The following ATP13A5 variants were observed in gnomAD, a reference collection of about 807,000 sequenced individuals.
ATP13A5 encodes probable cation-transporting ATPase 13A5.
Under a neutral mutation model 150.2 loss-of-function variants are expected in ATP13A5, and 149 were observed. The ratio of observed to expected loss-of-function variants is 0.99; its 90% CI spans 0.87 to 1.14. The LOEUF (loss-of-function observed/expected upper bound fraction) is 1.14. Among genes scored for constraint, ATP13A5 ranks in the 50% most tolerant of loss-of-function variants. ATP13A5 has a pLI of 0.00. For missense variants in ATP13A5, 1,383 were observed against 1,449.3 expected, an observed-to-expected ratio of 0.95 and a Z score of 0.74; for synonymous variants, 497 against 522.2, an observed-to-expected ratio of 0.95 and a Z score of 0.66.
At chr3:193,347,153 G>T (rs1198325536) in intron 7 of ATP13A5, among the ~76,000 whole-genome samples, 3 of 152,114 alleles carry the variant, frequency 2.0e-5, no homozygotes, top group Admixed American at 2.0e-4. Flanking sequence ...TTTAAAACCT[G>T]CAAGGCATCA....
In ATP13A5 at chr3:193,289,944, C is replaced by G. The variant is rs182661663; in HGVS notation, c.2964G>C (p.Gln988His). The change falls in exon 26 of 30, where the codon CAG becomes CAC. Residue 988 changes from glutamine (Q) to histidine (H), a missense_variant. Gln to His is a conservative substitution (Grantham distance 24). Coordinates refer to ENST00000342358, the MANE Select transcript of ATP13A5 (RefSeq NM_198505.4). ...FLNSCFSCIV[Q>H]ISAFLYVKQQ... ...GCTTCACATAGAGAAATGCACTGAT[C>G]TGCACAATGCAGGAGAAACAGGAAT... 129 of 1,612,778 alleles carry G rather than the reference C, an allele frequency of 8.0e-5. 1 individual carries two copies. In the African/African-American group the frequency reaches 1.4e-3, roughly 17 times the overall value.
At chr3:193,359,872 T>C (rs1560149575) in intron 5 of ATP13A5, among the ~76,000 whole-genome samples, 1 of 152,026 alleles carries the variant, frequency 6.6e-6, no homozygotes, top group Non-Finnish European at 1.5e-5. Context: ...CCATTTCTGC[T>C]GCCAGGAAGT....
Position 193,345,092 on chromosome 3 carries a change from A to G in ATP13A5, c.742-17T>C. 6.2e-7 allele frequency: 1 copy of G among 1,604,670 alleles called. No individual in the cohort carries two copies. Among genetic ancestry groups the G allele is most frequent in the Non-Finnish European group, 8.5e-7 (1 of 1,171,624 alleles). Reference sequence around the variant, plus strand: ...AACTGATTGCTACCAAGTAAAAGTTAACATTTAAACATTAGATAGTTCATG... The same window carrying G: ...AACTGATTGCTACCAAGTAAAAGTTGACATTTAAACATTAGATAGTTCATG... On this transcript the variant is annotated splice_polypyrimidine_tract_variant and intron_variant, in intron 7 of 29. Transcript: ENST00000342358.
At chr3:193,353,987 TTAAAA>T in intron 6 of ATP13A5, 135 bp downstream of exon 6, 1 of 625,290 alleles carries the variant, frequency 1.6e-6, no homozygotes, top group Non-Finnish European at 2.6e-6. Context: ...AAACCTGAGT[TTAAAA>T]TAAGCAGTAA....
At chr3:193,337,110 G>T (rs1484880573) in intron 9 of ATP13A5, among the ~76,000 whole-genome samples, 58 of 151,866 alleles carry the variant, frequency 3.8e-4, no homozygotes, top group African/African-American at 1.3e-3. Flanking sequence ...TAAATTTGTT[G>T]GCGTTCTTTG....
intron 18 of ATP13A5, 143 bp from the exon 19 acceptor site, chr3:193,314,336 A>G (rs1718966668): frequency 2.4e-6 from 2 of 850,456 alleles, no homozygotes; most frequent in Non-Finnish European, 3.6e-6. Context: ...TCTCTGCTGT[A>G]GACTGCCCCT....
intron 17 of ATP13A5, among the ~76,000 whole-genome samples, chr3:193,315,484 A>G (rs1719014415): frequency 6.6e-6 from 1 of 152,188 alleles, no homozygotes; most frequent in Admixed American, 6.5e-5. Flanking sequence ...GGCATTCTGC[A>G]TACATACAAG....
At chr3:193,335,157 G>C (rs1447576739) in intron 9 of ATP13A5, 58 bp from the exon 10 acceptor site, 2 of 1,517,974 alleles carry the variant, frequency 1.3e-6, no homozygotes, top group Non-Finnish European at 1.8e-6. Flanking sequence ...GTCAGAACTG[G>C]TGCATGCCAG....
At chr3:193,334,017 A>G (rs1711749444) in intron 10 of ATP13A5, 110 bp from the exon 11 acceptor site, 4 of 951,294 alleles carry the variant, frequency 4.2e-6, no homozygotes, top group South Asian at 1.9e-5. Flanking sequence ...CTAACCTTCT[A>G]CCTAATCATT....
chr3:193,377,138 A>G (rs1713672993), intron 1 of ATP13A5, among the ~76,000 whole-genome samples: 1 of 152,258 alleles, frequency 6.6e-6, no homozygotes, highest in East Asian at 1.9e-4. Context: ...GCAACTAGTT[A>G]GAGAAGAATA....
At chr3:193,376,741 C>T (rs1009239939) in intron 1 of ATP13A5, among the ~76,000 whole-genome samples, 13 of 152,248 alleles carry the variant, frequency 8.5e-5, no homozygotes, top group East Asian at 3.9e-4. Context: ...GTTCCCCATC[C>T]GGCTTCCTTC....
chr3:193,305,693 C>T, intron 22 of ATP13A5, 25 bp from the exon 23 acceptor site: 1 of 1,603,932 alleles, frequency 6.2e-7, no homozygotes, highest in Non-Finnish European at 8.5e-7. Context: ...CCATGTCTCA[C>T]CCATGACTTT....
chr3:193,284,916 T>G lies in ATP13A5; in HGVS notation c.3224A>C (p.Asn1075Thr). The G allele has an allele frequency of 6.2e-7, 1 of 1,610,004 alleles. No homozygotes were observed. The highest frequency in any genetic ancestry group is 8.5e-7 in the Non-Finnish European group (1 of 1,177,600). ...AAAATTAAACTTTATATACTTACAG[T>G]TTGTATAGATGGGTTTTCGAAATGG... The part of the protein sequence containing the change: ...GKPFRKPIYT[N>T]YIFSFLLLAA... Residue 1075 changes from asparagine to threonine, a missense_variant and splice_region_variant, in exon 27 of 30, where the codon AAC becomes ACC. Transcript: ENST00000342358.
In ATP13A5 at chr3:193,331,231, G is replaced by A. The variant is rs759568865; in HGVS notation, c.1353C>T (p.Thr451=). 2.5e-6 allele frequency: 4 copies of A among 1,614,034 alleles called. No homozygotes were observed. The highest frequency in any genetic ancestry group is 2.5e-6 in the Non-Finnish European group (3 of 1,179,952). Residue 451 remains threonine (T), a synonymous_variant, in exon 12 of 30, where the codon ACC becomes ACT. Coordinates refer to ENST00000342358, the MANE Select transcript of ATP13A5 (RefSeq NM_198505.4). ...TCTTCTGAGCATACACGTTGCCTATGGTCAGGGCAGCTGGCAGCACTGGAG... is the reference window on the plus strand; with the variant it reads ...TCTTCTGAGCATACACGTTGCCTATAGTCAGGGCAGCTGGCAGCACTGGAG... ...TVPPVLPAAL[T]IGNVYAQKRL...
At chr3:193,321,381 A>G (rs1363819845) in intron 16 of ATP13A5, among the ~76,000 whole-genome samples, 1 of 152,176 alleles carries the variant, frequency 6.6e-6, no homozygotes, top group Non-Finnish European at 1.5e-5. Flanking sequence ...CTATAATCCC[A>G]GCACTTTTGG....
At chr3:193,276,301 A>C (rs1178119639) in intron 29 of ATP13A5, among the ~76,000 whole-genome samples, 1 of 152,192 alleles carries the variant, frequency 6.6e-6, no homozygotes, top group Admixed American at 6.5e-5. Context: ...GAAAAGAAAC[A>C]CCGTAAGAGG....
At chr3:193,308,719 G>A (rs560358999) in intron 21 of ATP13A5, among the ~76,000 whole-genome samples, 1 of 152,300 alleles carries the variant, frequency 6.6e-6, no homozygotes, top group East Asian at 1.9e-4. Flanking sequence ...GGCATGAGGA[G>A]GAAGATTGGG....
chr3:193,292,272 C>A (rs1046923118), intron 25 of ATP13A5, among the ~76,000 whole-genome samples: 30 of 152,030 alleles, frequency 2.0e-4, no homozygotes, highest in Admixed American at 1.8e-3. Flanking sequence ...TTCCAGTATC[C>A]AAAGCAGAAT....
At chr3:193,337,685 T>C (rs1711941215) in intron 9 of ATP13A5, among the ~76,000 whole-genome samples, 1 of 152,222 alleles carries the variant, frequency 6.6e-6, no homozygotes, top group Admixed American at 6.5e-5. Flanking sequence ...GCTTCATTAT[T>C]TTGGCTTAGG....
Sources: allele counts gnomAD v4.1 joint callset (sites outside exome capture counted in the v4.1 genomes callset), GRCh38; gene constraint gnomAD v4.1.1; transcripts MANE v1.5; gene names NCBI Gene and HGNC (gene_info 2026-07-23, HGNC 2026-07-21).